LRRC7: variants seen among roughly 807,000 people sequenced by gnomAD.
LRRC7 encodes leucine-rich repeat-containing protein 7.
LRRC7 carries 23 observed loss-of-function variants against 175.7 expected under a neutral mutation model. The observed-to-expected ratio is 0.13, with a 90% CI of 0.09 to 0.19. LRRC7 has a LOEUF of 0.19. Ranked by LOEUF, LRRC7 falls within the 10% of genes least tolerant of loss-of-function variation. The probability of loss-of-function intolerance (pLI) is 1.00; values close to 1 mark genes in which losing one functional copy is unlikely to be tolerated. For synonymous variants in LRRC7, 685 were observed against 680.9 expected, an observed-to-expected ratio of 1.01 and a Z score of -0.09; for missense variants, 1,354 against 1,904.7, an observed-to-expected ratio of 0.71 and a Z score of 5.38.
intron 7 of LRRC7, among the ~76,000 whole-genome samples, chr1:69,865,430 T>A (rs1269783076): frequency 6.8e-6 from 1 of 147,358 alleles, no homozygotes; most frequent in African/African-American, 2.5e-5. Context: ...ACTAAGGCCC[T>A]TGAGAGCATC....
chr1:70,093,376 T>C (rs1392631823), intron 25 of LRRC7, among the ~76,000 whole-genome samples: 1 of 152,178 alleles, frequency 6.6e-6, no homozygotes, highest in African/African-American at 2.4e-5. Context: ...GTAGTATTAT[T>C]ATTCCCCATT....
At chr1:69,936,835 C>G (rs913636112) in intron 8 of LRRC7, among the ~76,000 whole-genome samples, 1 of 152,082 alleles carries the variant, frequency 6.6e-6, no homozygotes, top group Admixed American at 6.6e-5. Context: ...GTTTTCTGTT[C>G]CTGCATTAAT....
chr1:70,033,298 A>T (rs1658960706), intron 18 of LRRC7, among the ~76,000 whole-genome samples: 1 of 152,176 alleles, frequency 6.6e-6, no homozygotes. Flanking sequence ...AATGATGATA[A>T]TAAATAAATA....
chr1:69,569,043 G>A (rs1203862108), intron 1 of LRRC7, among the ~76,000 whole-genome samples: 2 of 149,128 alleles, frequency 1.3e-5, no homozygotes, highest in East Asian at 3.9e-4. Context: ...GGTGTCTGAG[G>A]GATGAAGCGC....
chr1:69,791,336 G>A (rs959984387), intron 3 of LRRC7, among the ~76,000 whole-genome samples: 2 of 151,872 alleles, frequency 1.3e-5, no homozygotes, highest in South Asian at 2.1e-4. Context: ...GACCTATTTG[G>A]GTAAAGCTCA....
At chr1:69,958,840 A>G (rs1223064819) in intron 8 of LRRC7, among the ~76,000 whole-genome samples, 1 of 152,120 alleles carries the variant, frequency 6.6e-6, no homozygotes, top group Non-Finnish European at 1.5e-5. Context: ...GAGAAAGTGA[A>G]CATAGCAAAA....
At chr1:69,953,603 T>C (rs1231237584) in intron 8 of LRRC7, among the ~76,000 whole-genome samples, 4 of 152,102 alleles carry the variant, frequency 2.6e-5, no homozygotes, top group South Asian at 4.1e-4. Flanking sequence ...TTCCATTTCC[T>C]GTTTTCCCTG....
intron 8 of LRRC7, among the ~76,000 whole-genome samples, chr1:69,979,373 C>T (rs956597581): frequency 1.1e-4 from 17 of 152,202 alleles, no homozygotes; most frequent in African/African-American, 3.9e-4. Context: ...ATAGCAACCT[C>T]TATTCTCTCT....
intron 10 of LRRC7, among the ~76,000 whole-genome samples, chr1:69,986,762 A>G (rs894138545): frequency 6.6e-6 from 1 of 152,182 alleles, no homozygotes; most frequent in Non-Finnish European, 1.5e-5. Context: ...GGATGTTGCT[A>G]TATTCTATTT....
intron 14 of LRRC7, among the ~76,000 whole-genome samples, chr1:70,017,472 C>A (rs1012820107): frequency 2.0e-5 from 3 of 152,006 alleles, no homozygotes; most frequent in African/African-American, 7.2e-5. Flanking sequence ...TAATGATAGA[C>A]AATTTTTATA....
intron 8 of LRRC7, among the ~76,000 whole-genome samples, chr1:69,952,243 C>T (rs987607624): frequency 6.6e-6 from 1 of 151,948 alleles, no homozygotes; most frequent in Admixed American, 6.6e-5. Flanking sequence ...AGGAATTTGT[C>T]CCCCTGGTTC....
intron 1 of LRRC7, among the ~76,000 whole-genome samples, chr1:69,662,592 T>A (rs1657636945): frequency 6.6e-6 from 1 of 152,224 alleles, no homozygotes; most frequent in Non-Finnish European, 1.5e-5. Flanking sequence ...TTTCACTCTC[T>A]TTTAAGCAGT....
intron 8 of LRRC7, among the ~76,000 whole-genome samples, chr1:69,979,133 C>T (rs1438189533): frequency 6.6e-6 from 1 of 152,092 alleles, no homozygotes; most frequent in Non-Finnish European, 1.5e-5. Context: ...AGATTCACTG[C>T]TTTGTATGTG....
chr1:69,809,759 T>C (rs538833343), intron 4 of LRRC7, among the ~76,000 whole-genome samples: 2 of 152,266 alleles, frequency 1.3e-5, no homozygotes, highest in South Asian at 4.1e-4. Flanking sequence ...AAACTAGCTA[T>C]TGATGGAATG....
intron 2 of LRRC7, among the ~76,000 whole-genome samples, chr1:69,682,796 T>C (rs955382751): frequency 6.7e-6 from 1 of 150,296 alleles, no homozygotes; most frequent in Non-Finnish European, 1.5e-5. Context: ...TTGGCTACCA[T>C]AATAGAATAC....
chr1:69,916,062 TA>T (rs1646681258), intron 7 of LRRC7, among the ~76,000 whole-genome samples: 2 of 134,194 alleles, frequency 1.5e-5, no homozygotes, highest in Non-Finnish European at 3.1e-5. Flanking sequence ...TTTATATGTA[TA>T]TTTTATATAT....
intron 18 of LRRC7, among the ~76,000 whole-genome samples, 181 bp downstream of exon 18, chr1:70,028,552 A>G (rs1255873871): frequency 2.0e-5 from 3 of 152,192 alleles, no homozygotes; most frequent in Non-Finnish European, 2.9e-5. Context: ...TGATACCCTC[A>G]TGGCCTAAAA....
intron 2 of LRRC7, among the ~76,000 whole-genome samples, chr1:69,684,468 G>A (rs1028010999): frequency 2.6e-5 from 4 of 151,262 alleles, no homozygotes; most frequent in South Asian, 2.1e-4. Context: ...GAAGGGGAGG[G>A]AAGGCCAAGC....
At chr1:69,609,663 T>G (rs566325462) in intron 1 of LRRC7, among the ~76,000 whole-genome samples, 2 of 152,164 alleles carry the variant, frequency 1.3e-5, no homozygotes, top group East Asian at 3.9e-4. Context: ...CCTGTCTGCT[T>G]AAGTTTAAAG....
Sources: gnomAD v4.1 joint callset for allele counts (sites outside exome capture counted in the v4.1 genomes callset) on GRCh38, gnomAD v4.1.1 for gene constraint, MANE v1.5 for transcripts, NCBI Gene and HGNC (gene_info 2026-07-23, HGNC 2026-07-21) for gene names.